Variants in TM4SF20 observed in about 807,000 individuals in gnomAD.
TM4SF20 encodes the protein transmembrane 4 L6 family member 20.
TM4SF20 carries 13 observed loss-of-function variants against 15.1 expected under a neutral mutation model. The ratio of observed to expected loss-of-function variants is 0.86; its 90% CI spans 0.56 to 1.36. The LOEUF (loss-of-function observed/expected upper bound fraction) is 1.36. Ranked by LOEUF, TM4SF20 falls within the 40% of genes most tolerant of loss-of-function variation. The probability of loss-of-function intolerance (pLI) is 0.00; values close to 1 mark genes in which losing one functional copy is unlikely to be tolerated. For synonymous variants in TM4SF20, 92 were observed against 96.6 expected (o/e 0.95, Z 0.28); for missense variants, 282 against 268.4 (o/e 1.05, Z -0.35).
At chr2:227,368,208 A>G (rs1415270072) in intron 2 of TM4SF20, among the ~76,000 whole-genome samples, 1 of 149,044 alleles carries the variant, frequency 6.7e-6, no homozygotes. Flanking sequence ...TATTTTTAGT[A>G]GAGATGGGGT....
chr2:227,369,427 C>CTT (rs57148409), intron 2 of TM4SF20, among the ~76,000 whole-genome samples: 14,757 of 125,210 alleles, frequency 0.12, 1,529 homozygotes, highest in African/African-American at 0.22. Flanking sequence ...CCCCATCTGT[C>CTT]TTTTTTTTTT....
In TM4SF20 at chr2:227,379,293, G is replaced by T. The variant is rs2076468557; in HGVS notation, c.-25C>A. The T allele has an allele frequency of 6.2e-7, 1 of 1,607,474 alleles. No individual in the cohort carries two copies. Among genetic ancestry groups the T allele is most frequent in the Admixed American group, 1.7e-5 (1 of 59,562 alleles). ...TGGTCACCCCTGGCTCAGAAACGTT[G>T]TCAAAGTGGCTATGCTTGCATGGTA... On this transcript the variant is annotated 5_prime_UTR_variant, in exon 1 of 4. Transcript: ENST00000304568.
chr2:227,374,434 G>GGTGT (rs57830966), intron 1 of TM4SF20, among the ~76,000 whole-genome samples: 4,077 of 151,064 alleles, frequency 0.027, 64 homozygotes, highest in Middle Eastern at 0.078. Context: ...AACTGTGAAT[G>GGTGT]GTGTGTGTGT....
chr2:227,362,988 T>G lies in TM4SF20; in HGVS notation c.*736A>C, dbSNP rs1041881869. On this transcript the variant is annotated 3_prime_UTR_variant, in exon 4 of 4. Transcript: ENST00000304568. ...TTTTTCTTTTATAACATTTTCCTGTTGAAAATTGGGCCATTCTGTGCCCGC... is the reference window on the plus strand; with the variant it reads ...TTTTTCTTTTATAACATTTTCCTGTGGAAAATTGGGCCATTCTGTGCCCGC... The G allele has an allele frequency of 1.1e-4, 17 of 152,322 alleles. No homozygotes were observed. The highest frequency in any genetic ancestry group is 4.1e-4 in the African/African-American group (17 of 41,576). 9.4% of individuals were successfully genotyped at this position (152,322 alleles called of 1,614,324 possible).
At chr2:227,372,918 G>A (rs2076428294) in intron 1 of TM4SF20, among the ~76,000 whole-genome samples, 1 of 151,900 alleles carries the variant, frequency 6.6e-6, no homozygotes, top group South Asian at 2.1e-4. Context: ...CGGGGATTTT[G>A]CCATGTTGCC....
intron 2 of TM4SF20, among the ~76,000 whole-genome samples, chr2:227,368,062 C>T (rs535660401): frequency 5.3e-4 from 66 of 124,594 alleles, no homozygotes; most frequent in African/African-American, 2.0e-3. Context: ...CTCGCTGTGT[C>T]GCCCAGGCTG....
intron 1 of TM4SF20, among the ~76,000 whole-genome samples, chr2:227,374,885 G>C (rs980697873): frequency 6.8e-6 from 1 of 147,412 alleles, no homozygotes; most frequent in Non-Finnish European, 1.5e-5. Context: ...GAACCCAGGA[G>C]TTTGACCCCA....
intron 1 of TM4SF20, among the ~76,000 whole-genome samples, chr2:227,372,819 C>T (rs1406482775): frequency 3.3e-5 from 5 of 152,136 alleles, no homozygotes; most frequent in Non-Finnish European, 7.3e-5. Flanking sequence ...ATCCTCCCAC[C>T]TCAGCCTCCC....
rs2076366412 is a variant in TM4SF20, at chr2:227,362,421, TTC to T, written c.*1301_*1302del. ...AATTTTAAAACATATAAATATGCAT[TTC>T]TTTTTTTAAAAATGAGGACATTTCT... On this transcript the variant is annotated 3_prime_UTR_variant, in exon 4 of 4. Coordinates refer to ENST00000304568, the MANE Select transcript of TM4SF20 (RefSeq NM_024795.4). 1 of 152,208 alleles carries T rather than the reference TTC, an allele frequency of 6.6e-6. No homozygotes were observed. The highest frequency in any genetic ancestry group is 1.5e-5 in the Non-Finnish European group (1 of 68,032). The allele number at this position is 152,208 out of a possible 1,614,324, so 9.4% of individuals were successfully genotyped here.
chr2:227,380,191 G>C (rs1232784150), upstream of TM4SF20, among the ~76,000 whole-genome samples: 1 of 152,212 alleles, frequency 6.6e-6, no homozygotes, highest in Non-Finnish European at 1.5e-5. Flanking sequence ...GTAGCCAAGC[G>C]TGGTGGCACA....
chr2:227,363,909 C>G lies in TM4SF20; in HGVS notation c.505G>C (p.Gly169Arg), dbSNP rs773687647. The change falls in exon 4 of 4, where the codon GGC becomes CGC. Residue 169 changes from glycine to arginine, a missense_variant. Transcript: ENST00000304568. ...AAGTGGAAACTAGATGCTCTCCAGC[C>G]ACTCGCCATGGTGTCGTTACTGGTG... is the stretch of plus-strand genomic sequence containing the variant. The part of the protein sequence containing the change: ...KPTSNDTMAS[G>R]WRASSFHFDS... The G allele has an allele frequency of 1.9e-6, 3 of 1,614,152 alleles. No homozygotes were observed. The East Asian group carries it at 6.7e-5, about 36-fold the overall frequency.
upstream of TM4SF20, among the ~76,000 whole-genome samples, chr2:227,380,351 A>C (rs1197876920): frequency 6.6e-6 from 1 of 152,112 alleles, no homozygotes; most frequent in Non-Finnish European, 1.5e-5. Flanking sequence ...ACAATACAAA[A>C]GTTCTTGCTT....
chr2:227,378,495 T>C (rs2106497244), intron 1 of TM4SF20, among the ~76,000 whole-genome samples: 1 of 152,284 alleles, frequency 6.6e-6, no homozygotes, highest in East Asian at 1.9e-4. Flanking sequence ...ATCACCAAAC[T>C]ATTCAACAAG....
upstream of TM4SF20, chr2:227,379,362 T>C (rs2076468983): frequency 2.7e-6 from 3 of 1,120,948 alleles, no homozygotes; most frequent in Admixed American, 7.1e-5. Context: ...AATTTAACGC[T>C]AATAAAAAAT....
chr2:227,379,623 A>G (rs1473544087), upstream of TM4SF20, among the ~76,000 whole-genome samples: 2 of 152,246 alleles, frequency 1.3e-5, no homozygotes, highest in Non-Finnish European at 2.9e-5. Flanking sequence ...TTCTATCGAT[A>G]TTATTACCAG....
rs1320628164 is a variant in TM4SF20, at chr2:227,370,998, AG to A, written c.184-19del. ...GGAATGGCCTGGAAATGACATCAAC[AG>A]GAAAGATGAGTATTATAACTTCTCA... On this transcript the variant is annotated intron_variant, in intron 1 of 3. Coordinates refer to ENST00000304568, the MANE Select transcript of TM4SF20 (RefSeq NM_024795.4). The A allele has an allele frequency of 1.2e-6, 2 of 1,605,270 alleles. No homozygotes were observed. The highest frequency in any genetic ancestry group is 2.7e-5 in the African/African-American group (2 of 74,738).
At chr2:227,366,052 A>G (rs773009178) in intron 3 of TM4SF20, 41 bp downstream of exon 3, 13 of 1,580,202 alleles carry the variant, frequency 8.2e-6, no homozygotes, top group Non-Finnish European at 1.1e-5. Context: ...AACTAGTTCA[A>G]CTGTGTGAGA....
intron 2 of TM4SF20, among the ~76,000 whole-genome samples, chr2:227,369,051 ACAC>A (rs2076407740): frequency 6.6e-6 from 1 of 152,242 alleles, no homozygotes. Flanking sequence ...AATGTTGTGA[ACAC>A]CACATAGAAA....
chr2:227,363,583 G>T lies in TM4SF20; in HGVS notation c.*141C>A. 1 of 809,272 alleles carries T rather than the reference G, an allele frequency of 1.2e-6. No individual in the cohort carries two copies. The highest frequency in any genetic ancestry group is 1.9e-6 in the Non-Finnish European group (1 of 523,542). The allele number at this position is 809,272 out of a possible 1,614,324, so 50.1% of individuals were successfully genotyped here. A position where few individuals can be genotyped will look rare whatever the true frequency, so the allele number is the denominator to read the frequency against. Reference sequence around the variant, plus strand: ...CTCCACCTTTCCCAAATCAACCACTGATATGAGAGTGTTATGCATTTACAA... The same window carrying T: ...CTCCACCTTTCCCAAATCAACCACTTATATGAGAGTGTTATGCATTTACAA... On this transcript the variant is annotated 3_prime_UTR_variant, in exon 4 of 4. Coordinates refer to ENST00000304568, the MANE Select transcript of TM4SF20 (RefSeq NM_024795.4).
Sources: allele counts gnomAD v4.1 joint callset (sites outside exome capture counted in the v4.1 genomes callset), GRCh38; gene constraint gnomAD v4.1.1; transcripts MANE v1.5; gene names NCBI Gene and HGNC (gene_info 2026-07-23, HGNC 2026-07-21).